The following PRELID2 variants were observed in gnomAD, a reference collection of about 807,000 sequenced individuals.
PRELID2 encodes the protein PRELI domain-containing protein 2.
In PRELID2, 25 loss-of-function variants were observed where a neutral mutation model predicts 28.4. That is an observed-to-expected ratio of 0.88 (90% confidence interval 0.64 to 1.23). The LOEUF is 1.23. Among genes scored for constraint, PRELID2 ranks in the 50% most tolerant of loss-of-function variants. PRELID2 has a pLI of 0.00. For synonymous variants in PRELID2, 76 were observed against 71.6 expected (o/e 1.06, Z -0.31); for missense variants, 201 against 214.4 (o/e 0.94, Z 0.39).
chr5:145,427,388 A>C, the PRELID2 span, among the ~76,000 whole-genome samples: 1 of 152,114 alleles, frequency 6.6e-6, no homozygotes, highest in Non-Finnish European at 1.5e-5. Flanking sequence ...TCTCCCCTCA[A>C]CTCTGTATCC....
intron 4 of PRELID2, among the ~76,000 whole-genome samples, chr5:145,806,958 A>G (rs1195259608): frequency 6.6e-6 from 1 of 152,208 alleles, no homozygotes; most frequent in East Asian, 1.9e-4. Flanking sequence ...TGTCTCAGTT[A>G]TTTCTTGATA....
the PRELID2 span, among the ~76,000 whole-genome samples, chr5:145,235,042 T>C: frequency 6.6e-6 from 1 of 152,140 alleles, no homozygotes; most frequent in East Asian, 1.9e-4. Context: ...AAGGGAAATG[T>C]AACAGGACCA....
chr5:145,546,830 C>T (rs1433471740), intron 1 of PRELID2, among the ~76,000 whole-genome samples: 1 of 152,160 alleles, frequency 6.6e-6, no homozygotes, highest in Non-Finnish European at 1.5e-5. Flanking sequence ...GACCCATTCT[C>T]ATACTGGAGA....
chr5:145,344,383 C>T, the PRELID2 span, among the ~76,000 whole-genome samples: 16 of 151,970 alleles, frequency 1.1e-4, no homozygotes, highest in African/African-American at 3.9e-4. Context: ...ATCTCATCAA[C>T]AGAATGAAGG....
chr5:145,364,011 A>C, the PRELID2 span, among the ~76,000 whole-genome samples: 1 of 151,986 alleles, frequency 6.6e-6, no homozygotes, highest in Non-Finnish European at 1.5e-5. Flanking sequence ...GCTGCATAAA[A>C]CTTCACACAA....
chr5:145,266,747 T>C, the PRELID2 span, among the ~76,000 whole-genome samples: 1 of 152,216 alleles, frequency 6.6e-6, no homozygotes, highest in Admixed American at 6.5e-5. Context: ...CACATGTGTT[T>C]ATAGCAGCAC....
the PRELID2 span, among the ~76,000 whole-genome samples, chr5:145,325,952 G>T: frequency 1.3e-5 from 2 of 152,008 alleles, no homozygotes; most frequent in African/African-American, 2.4e-5. Context: ...CCACATGAAC[G>T]CTCCAAAAAT....
the PRELID2 span, among the ~76,000 whole-genome samples, chr5:145,388,924 AC>A: frequency 6.6e-6 from 1 of 152,156 alleles, no homozygotes; most frequent in African/African-American, 2.4e-5. Context: ...TATCTTTATA[AC>A]ATCTGCATGT....
chr5:145,713,362 A>ATATATATATG (rs1755749463), intron 1 of PRELID2, among the ~76,000 whole-genome samples: 1 of 142,298 alleles, frequency 7.0e-6, no homozygotes, highest in South Asian at 2.2e-4. Flanking sequence ...ATATATATAT[A>ATATATATATG]TATATATACT....
At chr5:145,563,912 T>C (rs139074138) in intron 1 of PRELID2, among the ~76,000 whole-genome samples, 6 of 152,278 alleles carry the variant, frequency 3.9e-5, no homozygotes, top group Non-Finnish European at 8.8e-5. Flanking sequence ...CCCATGAAAG[T>C]AGATTTCAAG....
intron 1 of PRELID2, among the ~76,000 whole-genome samples, chr5:145,523,890 T>C (rs1472176628): frequency 6.6e-6 from 1 of 152,222 alleles, no homozygotes; most frequent in Non-Finnish European, 1.5e-5. Context: ...AACATCCTTG[T>C]ACTAGTTTGC....
intron 1 of PRELID2, among the ~76,000 whole-genome samples, chr5:145,738,290 A>T (rs76739937): frequency 0.04 from 6,153 of 152,248 alleles, 207 homozygotes; most frequent in African/African-American, 0.083. Context: ...GTTTCAATAA[A>T]AATATCACTC....
At chr5:145,641,788 A>G (rs1754111660) in intron 1 of PRELID2, among the ~76,000 whole-genome samples, 1 of 152,156 alleles carries the variant, frequency 6.6e-6, no homozygotes, top group Non-Finnish European at 1.5e-5. Context: ...TTTCTGTGTT[A>G]GTTTGCTGAG....
At chr5:145,335,434 T>C in the PRELID2 span, among the ~76,000 whole-genome samples, 1 of 151,700 alleles carries the variant, frequency 6.6e-6, no homozygotes, top group Non-Finnish European at 1.5e-5. Flanking sequence ...ATAATTATTT[T>C]GAAAGTCTTT....
the PRELID2 span, among the ~76,000 whole-genome samples, chr5:145,254,126 A>G: frequency 1.3e-5 from 2 of 152,130 alleles, no homozygotes; most frequent in Non-Finnish European, 2.9e-5. Context: ...CCGATGAATG[A>G]CCACAAAATT....
the PRELID2 span, among the ~76,000 whole-genome samples, chr5:145,310,170 A>G: frequency 2.0e-5 from 3 of 152,328 alleles, no homozygotes; most frequent in East Asian, 5.8e-4. Flanking sequence ...GAAGGGTATC[A>G]GGCACATATG....
chr5:145,750,040 A>G (rs992417248), intron 1 of PRELID2, among the ~76,000 whole-genome samples: 5 of 151,990 alleles, frequency 3.3e-5, no homozygotes, highest in African/African-American at 4.8e-5. Context: ...ACATGTATAC[A>G]TATGTAACAA....
At chr5:145,790,632 C>T (rs1313671002) in intron 5 of PRELID2, among the ~76,000 whole-genome samples, 1 of 149,416 alleles carries the variant, frequency 6.7e-6, no homozygotes, top group Non-Finnish European at 1.5e-5. Context: ...TCCAAATGAT[C>T]TCACCACAAA....
At chr5:145,536,981 T>TA (rs1201240477) in intron 1 of PRELID2, among the ~76,000 whole-genome samples, 1 of 151,910 alleles carries the variant, frequency 6.6e-6, no homozygotes, top group South Asian at 2.1e-4. Context: ...TTTTAATTTT[T>TA]AAAAAATTAT....
Sources: allele counts gnomAD v4.1 joint callset (sites outside exome capture counted in the v4.1 genomes callset), GRCh38; gene constraint gnomAD v4.1.1; transcripts MANE v1.5; gene names NCBI Gene and HGNC (gene_info 2026-07-23, HGNC 2026-07-21).